Variants in RGS6 observed in about 807,000 individuals in gnomAD.
The protein encoded by RGS6 is regulator of G protein signaling 6, also known as regulator of G-protein signaling 6.
RGS6 carries 30 observed loss-of-function variants against 78.5 expected under a neutral mutation model. The observed-to-expected ratio is 0.38, with a 90% CI of 0.29 to 0.52. The LOEUF is 0.52. Among genes scored for constraint, RGS6 ranks in the 20% least tolerant of loss-of-function variants. The probability of loss-of-function intolerance (pLI) is 0.85; values close to 1 mark genes in which losing one functional copy is unlikely to be tolerated. For missense variants in RGS6, 495 were observed against 609.7 expected (o/e 0.81, Z 1.98); for synonymous variants, 206 against 206.0 (o/e 1.00, Z 0.00).
intron 2 of RGS6, among the ~76,000 whole-genome samples, chr14:72,247,142 C>G (rs964460815): frequency 1.2e-4 from 19 of 152,186 alleles, no homozygotes; most frequent in Non-Finnish European, 2.5e-4. Context: ...CTCTTTCTTT[C>G]TTCTCTGAAT....
chr14:72,069,870 G>T (rs984924270), intron 2 of RGS6, among the ~76,000 whole-genome samples: 1 of 152,054 alleles, frequency 6.6e-6, no homozygotes, highest in Non-Finnish European at 1.5e-5. Context: ...TTTAATAGTG[G>T]TGTTTATCTA....
the RGS6 span, among the ~76,000 whole-genome samples, chr14:71,895,826 C>G: frequency 6.6e-6 from 1 of 152,170 alleles, no homozygotes; most frequent in East Asian, 1.9e-4. Context: ...CCATGGCAGG[C>G]GCTCCCTGCC....
At chr14:72,386,018 G>A (rs1258630215) in intron 3 of RGS6, among the ~76,000 whole-genome samples, 1 of 151,942 alleles carries the variant, frequency 6.6e-6, no homozygotes, top group Non-Finnish European at 1.5e-5. Flanking sequence ...AAAATTTCAT[G>A]CCCCTGAATG....
chr14:72,494,657 GA>G (rs893601350), intron 12 of RGS6, among the ~76,000 whole-genome samples: 1 of 151,832 alleles, frequency 6.6e-6, no homozygotes, highest in African/African-American at 2.4e-5. Flanking sequence ...TGCTTTTTTG[GA>G]AAAAAATGCA....
chr14:72,412,533 A>AT (rs2093496828), intron 3 of RGS6, among the ~76,000 whole-genome samples: 1 of 151,886 alleles, frequency 6.6e-6, no homozygotes, highest in African/African-American at 2.4e-5. Context: ...GGATTCATTT[A>AT]TTTTTTTGAA....
At position 72,178,932 on chromosome 14, in the gene RGS6, G is replaced by C. The variant is rs77079660; in HGVS notation, c.85-173163G>C. Among the ~76,000 whole-genome samples, 8 of 152,254 alleles carry C rather than the reference G, an allele frequency of 5.3e-5. 1 individual carries two copies. The South Asian group carries it at 1.7e-3, about 32-fold the overall frequency. Reference sequence around the variant, plus strand: ...TTATCTGATCTTGGGGAAAGTCCCCGCCTTGGGTTTGTAAATATCCTTACT... The same window carrying C: ...TTATCTGATCTTGGGGAAAGTCCCCCCCTTGGGTTTGTAAATATCCTTACT... On this transcript the variant is annotated intron_variant, in intron 2 of 17. Transcript: ENST00000553525.
chr14:72,187,018 A>T (rs1303224543), intron 2 of RGS6, among the ~76,000 whole-genome samples: 5 of 152,220 alleles, frequency 3.3e-5, no homozygotes, highest in African/African-American at 1.2e-4. Context: ...GGCCATTTAG[A>T]CTTTCTGCTT....
rs185677086 is a variant in RGS6, at chr14:72,047,605, A to G, written c.84+82730A>G. Among the ~76,000 whole-genome samples, 24 of 152,384 alleles carry G rather than the reference A, an allele frequency of 1.6e-4. 1 individual carries two copies. The highest frequency in any genetic ancestry group is 5.3e-4 in the African/African-American group (22 of 41,594). On this transcript the variant is annotated intron_variant, in intron 2 of 17. Transcript: ENST00000553525. Reference sequence around the variant, plus strand: ...GGCTGGACAAAGATCACTTTCTTATACGAGTCTGCAGTTCTTGAAATAATA... The same window carrying G: ...GGCTGGACAAAGATCACTTTCTTATGCGAGTCTGCAGTTCTTGAAATAATA...
intron 1 of RGS6, among the ~76,000 whole-genome samples, chr14:71,963,498 A>C (rs2093337475): frequency 6.6e-6 from 1 of 152,166 alleles, no homozygotes; most frequent in Non-Finnish European, 1.5e-5. Context: ...TCCATTAAGC[A>C]GTCACCCATT....
rs145987049 is a variant in RGS6, at chr14:72,131,100, G to C, written c.84+166225G>C. Among the ~76,000 whole-genome samples, 410 of 152,296 alleles carry C rather than the reference G, an allele frequency of 2.7e-3. 12 individuals are homozygous for C. Among genetic ancestry groups the C allele is most frequent in the Admixed American group, 0.021 (319 of 15,304 alleles). On this transcript the variant is annotated intron_variant, in intron 2 of 17. Transcript: ENST00000553525. ...GTTGTGTCCACCCAAACCTGACTCA[G>C]ATCTACTAGTTTTCATCTTTCGCTC... is the stretch of plus-strand genomic sequence containing the variant.
Position 72,562,431 on chromosome 14 carries a change from G to T in RGS6, c.1437G>T (p.Ala479=). Residue 479 remains alanine (A), a synonymous_variant, in exon 18 of 18, where the codon GCG becomes GCT. Transcript: ENST00000553525. ...KFTRSVGKSL[A]GKRLTGLMQS... ...TCTCTCTGCAGGGAAAGTCGCTGGCGGGCAAGCGCCTCACGGGCCTGATGC... is the reference window on the plus strand; with the variant it reads ...TCTCTCTGCAGGGAAAGTCGCTGGCTGGCAAGCGCCTCACGGGCCTGATGC... 9 of 1,612,902 alleles carry T rather than the reference G, an allele frequency of 5.6e-6. No individual in the cohort carries two copies. Among genetic ancestry groups the T allele is most frequent in the Non-Finnish European group, 7.6e-6 (9 of 1,180,040 alleles).
chr14:72,405,577 G>T (rs537156880), intron 3 of RGS6, among the ~76,000 whole-genome samples: 1 of 152,060 alleles, frequency 6.6e-6, no homozygotes, highest in Non-Finnish European at 1.5e-5. Flanking sequence ...ATTGTTGAGC[G>T]TTTAGACATG....
chr14:71,923,797 T>C, the RGS6 span, among the ~76,000 whole-genome samples: 25 of 151,486 alleles, frequency 1.7e-4, no homozygotes, highest in Non-Finnish European at 3.4e-4. Context: ...AGGGAGGTGA[T>C]TGGATCCAAA....
intron 3 of RGS6, among the ~76,000 whole-genome samples, chr14:72,393,309 G>C (rs897034738): frequency 2.0e-5 from 3 of 152,184 alleles, no homozygotes; most frequent in Non-Finnish European, 4.4e-5. Context: ...GCAGCTCAAT[G>C]GTCCTTAACC....
intron 2 of RGS6, among the ~76,000 whole-genome samples, chr14:72,154,192 G>C (rs190846650): frequency 6.6e-6 from 1 of 152,014 alleles, no homozygotes; most frequent in Non-Finnish European, 1.5e-5. Context: ...GCCTGACCCC[G>C]CAGGCAGTCA....
intron 6 of RGS6, among the ~76,000 whole-genome samples, chr14:72,462,580 G>T (rs1443174853): frequency 6.6e-6 from 1 of 152,206 alleles, no homozygotes; most frequent in Non-Finnish European, 1.5e-5. Flanking sequence ...TGGGCTCAAT[G>T]GAAGCAGTAG....
chr14:71,939,928 TC>T (rs1349763491), intron 1 of RGS6, among the ~76,000 whole-genome samples: 7 of 152,152 alleles, frequency 4.6e-5, no homozygotes, highest in Admixed American at 4.6e-4. Context: ...ATTTGGGCTT[TC>T]CCCCCATAAT....
the RGS6 span, among the ~76,000 whole-genome samples, chr14:71,882,250 A>T: frequency 6.6e-6 from 1 of 152,184 alleles, no homozygotes; most frequent in Non-Finnish European, 1.5e-5. Context: ...CTAAAGTTTT[A>T]TCCGTGCTGT....
intron 2 of RGS6, among the ~76,000 whole-genome samples, chr14:72,135,512 T>C (rs190632167): frequency 6.6e-6 from 1 of 152,350 alleles, no homozygotes; most frequent in East Asian, 1.9e-4. Flanking sequence ...CTGGCATGTT[T>C]TTTATATTTA....
Sources: gnomAD v4.1 joint callset for allele counts (sites outside exome capture counted in the v4.1 genomes callset) on GRCh38, gnomAD v4.1.1 for gene constraint, MANE v1.5 for transcripts, NCBI Gene and HGNC (gene_info 2026-07-23, HGNC 2026-07-21) for gene names.